SHB: variants seen among roughly 807,000 people sequenced by gnomAD.
SHB encodes the protein SH2 domain-containing adapter protein B.
A neutral mutation model predicts 52.3 loss-of-function variants in SHB; 20 were observed. That is an observed-to-expected ratio of 0.38 (90% CI 0.27 to 0.56). SHB has a LOEUF of 0.56. Ranked by LOEUF, SHB falls within the 20% of genes least tolerant of loss-of-function variation. SHB has a pLI of 0.71. For missense variants in SHB, 825 were observed against 723.3 expected, an observed-to-expected ratio of 1.14 and a Z score of -1.61; for synonymous variants, 397 against 316.5, an observed-to-expected ratio of 1.25 and a Z score of -2.70.
rs1240112993 is a variant in SHB at position 38,068,063 on chromosome 9, C to T, written c.583G>A (p.Gly195Arg). 7 of 1,491,856 alleles carry T rather than the reference C, an allele frequency of 4.7e-6. No individual in the cohort carries two copies. In the African/African-American group the frequency reaches 8.7e-5, roughly 19 times the overall value. The allele number at this position is 1,491,856 out of a possible 1,614,324, so 92.4% of individuals were successfully genotyped here. ...LIKVESAAGG[G>R]AGDPLGGACA... The stretch of plus-strand genomic sequence containing the variant: ...GCGCCCCCCAGGGGGTCCCCGGCCC[C>T]ACCGCCCGCGGCGCTCTCCACTTTG... The change falls in exon 1 of 6, where the codon GGG becomes AGG. Residue 195 changes from glycine (G) to arginine (R), a missense_variant. Coordinates refer to ENST00000377707, the MANE Select transcript of SHB (RefSeq NM_003028.3).
At chr9:37,968,486 AC>A (rs1320554749) in intron 3 of SHB, among the ~76,000 whole-genome samples, 1 of 152,214 alleles carries the variant, frequency 6.6e-6, no homozygotes, top group Non-Finnish European at 1.5e-5. Context: ...ACAGATAAGT[AC>A]CCAAAATAAG....
chr9:37,959,696 C>T (rs10973622), intron 3 of SHB, among the ~76,000 whole-genome samples: 19,989 of 152,138 alleles, frequency 0.13, 1,703 homozygotes, highest in South Asian at 0.22. Context: ...TCTCTAGGAC[C>T]CGGCTGCTTG....
At chr9:38,049,635 CAAAA>C (rs147034881) in intron 1 of SHB, among the ~76,000 whole-genome samples, 3 of 68,482 alleles carry the variant, frequency 4.4e-5, no homozygotes. Flanking sequence ...AAAAACAAAG[CAAAA>C]AAAAAAAAAA....
chr9:37,953,073 G>GATGGA (rs1468312191), intron 4 of SHB, among the ~76,000 whole-genome samples: 1 of 152,004 alleles, frequency 6.6e-6, no homozygotes, highest in Admixed American at 6.5e-5. Context: ...CAGCAGAGGA[G>GATGGA]ATGGAAGAGT....
At chr9:38,021,059 C>T (rs148202518) in intron 1 of SHB, among the ~76,000 whole-genome samples, 126 of 152,342 alleles carry the variant, frequency 8.3e-4, no homozygotes, top group African/African-American at 2.8e-3. Flanking sequence ...GAGGCATGTC[C>T]GGGCTTAGTG....
At chr9:37,948,316 T>C (rs1211282931) in intron 5 of SHB, among the ~76,000 whole-genome samples, 5 of 152,140 alleles carry the variant, frequency 3.3e-5, no homozygotes, top group Non-Finnish European at 5.9e-5. Flanking sequence ...ACCATCGTCG[T>C]GGGCTTTGAG....
rs780485596 is a variant in SHB, at chr9:38,068,446, G to A, written c.200C>T (p.Ser67Leu). ...PATASCFSAS[S>L]GSLPDDSGST... The stretch of plus-strand genomic sequence containing the variant: ...GCCGCTGTCGTCGGGCAGCGAGCCC[G>A]AAGAGGCTGAGAAGCAGGAGGCGGT... The change falls in exon 1 of 6, where the codon TCG (serine) becomes TTG (leucine). Residue 67 changes from serine to leucine, a missense_variant. Ser to Leu is a moderately radical substitution (Grantham distance 145). Coordinates refer to ENST00000377707, the MANE Select transcript of SHB (RefSeq NM_003028.3). The A allele has an allele frequency of 6.5e-7, 1 of 1,540,794 alleles. No individual in the cohort carries two copies.
At chr9:38,055,660 A>G (rs1821804203) in intron 1 of SHB, among the ~76,000 whole-genome samples, 2 of 151,964 alleles carry the variant, frequency 1.3e-5, no homozygotes, top group South Asian at 2.1e-4. Context: ...TCCCTCTCCA[A>G]TACCCACTCC....
Position 38,068,027 on chromosome 9 carries a change from C to G in SHB, c.619G>C (p.Gly207Arg). 5 of 1,509,374 alleles carry G rather than the reference C, an allele frequency of 3.3e-6. No individual in the cohort carries two copies. The highest frequency in any genetic ancestry group is 4.4e-6 in the Non-Finnish European group (5 of 1,137,086). 93.5% of individuals were successfully genotyped at this position (1,509,374 alleles called of 1,614,324 possible). ...CAGGCCGTCGGGCTCCAGGTGCGGC[C>G]GCCCGCGCAGGCGCCCCCCAGGGGG... ...GDPLGGACAG[G>R]RTWSPTACGG... The change falls in exon 1 of 6, where the codon GGC becomes CGC. Residue 207 changes from glycine (G) to arginine (R), a missense_variant. Coordinates refer to ENST00000377707, the MANE Select transcript of SHB (RefSeq NM_003028.3).
chr9:37,972,359 A>C (rs1564091543), intron 3 of SHB, among the ~76,000 whole-genome samples: 1 of 152,168 alleles, frequency 6.6e-6, no homozygotes, highest in Non-Finnish European at 1.5e-5. Flanking sequence ...GGAACAGAGG[A>C]GGCTGTAAAA....
At chr9:37,972,383 C>G (rs578260401) in intron 3 of SHB, among the ~76,000 whole-genome samples, 5 of 152,220 alleles carry the variant, frequency 3.3e-5, no homozygotes, top group Admixed American at 6.5e-5. Context: ...ACAGGGGAGA[C>G]CTGGGGCAAC....
intron 1 of SHB, among the ~76,000 whole-genome samples, chr9:38,038,665 C>T (rs1821522379): frequency 1.3e-5 from 2 of 152,242 alleles, no homozygotes; most frequent in South Asian, 4.1e-4. Flanking sequence ...CCTGCCCCAG[C>T]CCAGTGCCTC....
At chr9:38,048,982 C>T (rs1821697987) in intron 1 of SHB, among the ~76,000 whole-genome samples, 1 of 152,174 alleles carries the variant, frequency 6.6e-6, no homozygotes, top group Non-Finnish European at 1.5e-5. Context: ...AGTCTATTCA[C>T]AGGCACCTTC....
intron 5 of SHB, among the ~76,000 whole-genome samples, chr9:37,936,040 T>TAA (rs1223430103): frequency 0.095 from 11,649 of 122,484 alleles, 541 homozygotes; most frequent in South Asian, 0.14. Flanking sequence ...CCGTCTCTAC[T>TAA]AAAAAAAAAA....
chr9:38,053,595 A>G (rs1821779401), intron 1 of SHB, among the ~76,000 whole-genome samples: 2 of 152,158 alleles, frequency 1.3e-5, no homozygotes, highest in African/African-American at 4.8e-5. Context: ...TCAGTGAGCT[A>G]ACATACCTCA....
chr9:37,959,730 C>T (rs1357024513), intron 3 of SHB, among the ~76,000 whole-genome samples: 1 of 152,140 alleles, frequency 6.6e-6, no homozygotes, highest in Non-Finnish European at 1.5e-5. Context: ...CCACCAATCT[C>T]TTCACCTCAC....
At chr9:38,023,496 T>G (rs1821305753) in intron 1 of SHB, among the ~76,000 whole-genome samples, 1 of 152,178 alleles carries the variant, frequency 6.6e-6, no homozygotes, top group African/African-American at 2.4e-5. Flanking sequence ...GCAGGGTCTC[T>G]GCCCACGAGA....
At chr9:37,934,006 T>C (rs1301475637) in intron 5 of SHB, among the ~76,000 whole-genome samples, 3 of 152,194 alleles carry the variant, frequency 2.0e-5, no homozygotes, top group East Asian at 1.9e-4. Flanking sequence ...CTGCTGCCCG[T>C]TCCCCAGGCA....
rs538835823 is a variant in SHB, at chr9:38,008,924, C to T, written c.838+7087G>A. On this transcript the variant is annotated intron_variant, in intron 2 of 5. Transcript: ENST00000377707. ...GTGGACATCCTGGGAGCAGAGTCCA[C>T]GGCACTACAGAGCTGGGGCTGGGAA... Among the ~76,000 whole-genome samples, 254 of 152,282 alleles carry T rather than the reference C, an allele frequency of 1.7e-3. 2 individuals carry two copies. Among genetic ancestry groups the T allele is most frequent in the Non-Finnish European group, 2.6e-3 (177 of 68,006 alleles).
Sources: allele counts gnomAD v4.1 joint callset (sites outside exome capture counted in the v4.1 genomes callset), GRCh38; gene constraint gnomAD v4.1.1; transcripts MANE v1.5; gene names NCBI Gene and HGNC (gene_info 2026-07-23, HGNC 2026-07-21).